Variants in HUWE1 observed in about 807,000 individuals in gnomAD.
HUWE1 encodes the protein E3 ubiquitin-protein ligase HUWE1.
Under a neutral mutation model 299.4 loss-of-function variants are expected in HUWE1, and 18 were observed. The ratio of observed to expected loss-of-function variants is 0.06; its 90% CI spans 0.04 to 0.09. The LOEUF (loss-of-function observed/expected upper bound fraction) is 0.09. HUWE1 is among the 10% of genes least tolerant of loss of function. HUWE1 has a pLI of 1.00. For synonymous variants in HUWE1, 1,317 were observed against 1,286.1 expected (o/e 1.02, Z -0.51); for missense variants, 1,832 against 3,462.3 (o/e 0.53, Z 11.82).
chrX:53,569,402 C>T (rs2062719871), intron 48 of HUWE1, among the ~76,000 whole-genome samples: 1 of 112,715 alleles, frequency 8.9e-6, no homozygotes, highest in African/African-American at 3.2e-5. Context: ...GTACACTTAA[C>T]ATTTCCCTTT....
intron 4 of HUWE1, 112 bp downstream of exon 4, chrX:53,653,951 C>T: frequency 1.9e-6 from 1 of 536,717 alleles, no homozygotes; most frequent in Non-Finnish European, 3.1e-6. Flanking sequence ...TGTTTTACTG[C>T]CTTTTGTATA....
chrX:53,600,105 G>C lies in HUWE1; in HGVS notation c.3163+13C>G, dbSNP rs1569482490. 2 of 1,200,737 alleles carry C rather than the reference G, an allele frequency of 1.7e-6. No homozygotes were observed. Among genetic ancestry groups the C allele is most frequent in the Non-Finnish European group, 2.3e-6 (2 of 885,200 alleles). On this transcript the variant is annotated intron_variant, in intron 29 of 83. Transcript: ENST00000262854. ...GAAAGCCAGAAAAGGTAGGAGAAAG[G>C]AGAATGACTCACCTGATAACAAAGG...
At chrX:53,637,392 C>G (rs1013072914) in intron 7 of HUWE1, among the ~76,000 whole-genome samples, 41 of 112,403 alleles carry the variant, frequency 3.6e-4, no homozygotes, top group African/African-American at 1.0e-3. Flanking sequence ...TGCTGAAAAC[C>G]ATAAAGTAAG....
At position 53,588,394 on chromosome X, in the gene HUWE1, C is replaced by T. The variant is rs782619942; in HGVS notation, c.4602G>A (p.Thr1534=). The part of the protein sequence containing the change: ...SNLATRILLL[T]LLFEELKLPC... ...ATCTAAATCTTACCTCAAAAAGTAG[C>T]GTTAAAAGCAAGATTCTAGTAGCCA... Residue 1534 remains threonine, a synonymous_variant, in exon 37 of 84, where the codon ACG becomes ACA. Transcript: ENST00000262854. The T allele has an allele frequency of 4.1e-6, 5 of 1,207,415 alleles. No individual in the cohort carries two copies. The Admixed American group carries it at 6.6e-5, about 16-fold the overall frequency.
Position 53,628,574 on chromosome X carries a change from G to A in HUWE1, c.1161C>T (p.Phe387=), listed in dbSNP as rs1569500400. The change falls in exon 15 of 84, where the codon TTC becomes TTT. Residue 387 remains phenylalanine, a synonymous_variant. Coordinates refer to ENST00000262854, the MANE Select transcript of HUWE1 (RefSeq NM_031407.7). ...AGCTGGCCAGATGGTATAAAAAAGA[G>A]AAGAGAGCAGTGGCAAACTGGTGAG... ...PYPHQFATAL[F]SFLYHLASYD... 1.7e-6 allele frequency: 2 copies of A among 1,166,116 alleles called. No individual in the cohort carries two copies. The highest frequency in any genetic ancestry group is 3.2e-5 in the East Asian group (1 of 30,789).
At chrX:53,574,208 T>C (rs932337450) in intron 46 of HUWE1, among the ~76,000 whole-genome samples, 16 of 112,074 alleles carry the variant, frequency 1.4e-4, no homozygotes, top group African/African-American at 5.2e-4. Flanking sequence ...TCCCTCCTTT[T>C]ACATACTCCA....
rs782512847 is a variant in HUWE1, at chrX:53,534,417, A to G, written c.12831+99T>C. ...ATAGGTAGACTGTCTTCTACATGCA[A>G]CTTCCTCTAAGAGTACTACTGGTTT... On this transcript the variant is annotated intron_variant, in intron 82 of 83. Coordinates refer to ENST00000262854, the MANE Select transcript of HUWE1 (RefSeq NM_031407.7). 2.9e-4 allele frequency: 238 copies of G among 812,683 alleles called. 1 individual carries two copies. The African/African-American group carries it at 4.2e-3, about 14-fold the overall frequency. 67.0% of individuals were successfully genotyped at this position (812,683 alleles called of 1,213,427 possible). A position where few individuals can be genotyped will look rare whatever the true frequency, so the allele number is the denominator to read the frequency against.
intron 78 of HUWE1, among the ~76,000 whole-genome samples, 159 bp from the exon 79 acceptor site, chrX:53,536,826 G>A (rs782660333): frequency 4.2e-4 from 47 of 112,066 alleles, no homozygotes; most frequent in African/African-American, 1.4e-3. Flanking sequence ...ATGGGGTGGA[G>A]ATCTGGGAGC....
chrX:53,592,791 T>C (rs2064233673), intron 32 of HUWE1, among the ~76,000 whole-genome samples, 163 bp from the exon 33 acceptor site: 1 of 112,105 alleles, frequency 8.9e-6, no homozygotes, highest in South Asian at 3.7e-4. Context: ...AGAGGCATTT[T>C]ACTCAACCTT....
chrX:53,585,978 C>T (rs868956380), intron 39 of HUWE1, among the ~76,000 whole-genome samples: 23 of 112,332 alleles, frequency 2.0e-4, no homozygotes, highest in African/African-American at 7.5e-4. Context: ...CGTGAGCCTA[C>T]AGTGCCCAGC....
At chrX:53,610,686 G>A (rs2065404695) in intron 23 of HUWE1, among the ~76,000 whole-genome samples, 1 of 111,963 alleles carries the variant, frequency 8.9e-6, no homozygotes, top group South Asian at 3.7e-4. Flanking sequence ...GCTTCCTCCA[G>A]CTTTTGAGGA....
In HUWE1 at chrX:53,628,973, A is replaced by G. The variant is rs1162162319; in HGVS notation, c.964-71T>C. 4.3e-6 allele frequency: 4 copies of G among 923,321 alleles called. No individual in the cohort carries two copies. The African/African-American group carries it at 5.8e-5, about 13-fold the overall frequency. The allele number at this position is 923,321 out of a possible 1,213,427, so 76.1% of individuals were successfully genotyped here. A position where few individuals can be genotyped will look rare whatever the true frequency, so the allele number is the denominator to read the frequency against. ...ATGACTGAACCAAGTTCCAGTTGCT[A>G]ATATCCAAACTTTAAAATATAAGTC... On this transcript the variant is annotated intron_variant, in intron 13 of 83. Transcript: ENST00000262854.
intron 74 of HUWE1, 81 bp downstream of exon 74, chrX:53,542,362 G>A (rs1294648763): frequency 1.7e-5 from 11 of 665,728 alleles, no homozygotes; most frequent in Non-Finnish European, 2.5e-5. Context: ...GCTTATATAT[G>A]CTGGGAGCAG....
intron 3 of HUWE1, among the ~76,000 whole-genome samples, chrX:53,660,991 C>T (rs2068972893): frequency 9.1e-6 from 1 of 110,407 alleles, no homozygotes; most frequent in African/African-American, 3.3e-5. Context: ...GATCTAAATC[C>T]AGGTCTGACT....
At chrX:53,548,342 A>T (rs2061631605) in intron 67 of HUWE1, 69 bp from the exon 68 acceptor site, 1 of 1,131,089 alleles carries the variant, frequency 8.8e-7, no homozygotes, top group Non-Finnish European at 1.2e-6. Flanking sequence ...CCTGATAGGG[A>T]AAAGACAACT....
At chrX:53,641,243 T>C (rs1557030852) in intron 7 of HUWE1, among the ~76,000 whole-genome samples, 1 of 111,902 alleles carries the variant, frequency 8.9e-6, no homozygotes, top group Non-Finnish European at 1.9e-5. Flanking sequence ...ACTGCAAGAC[T>C]TGGCTTAATC....
At chrX:53,653,744 A>G (rs782052065) in intron 4 of HUWE1, among the ~76,000 whole-genome samples, 7 of 112,393 alleles carry the variant, frequency 6.2e-5, no homozygotes, top group African/African-American at 1.9e-4. Context: ...ATCTGAACCC[A>G]TATCTGCTCT....
At position 53,548,118 on chromosome X, in the gene HUWE1, G is replaced by A. The variant is rs782486187; in HGVS notation, c.10191C>T (p.Asn3397=). ...DFWDLLVKLD[N]MNVSRKGKNS... The stretch of plus-strand genomic sequence containing the variant: ...TCTTGCCTTTCCGGCTGACATTCAT[G>A]TTGTCCAGTTTTACCAATAAGTCCC... The change falls in exon 68 of 84, where the codon AAC becomes AAT. Residue 3397 remains asparagine, a synonymous_variant. Transcript: ENST00000262854. The A allele has an allele frequency of 1.8e-5, 22 of 1,206,935 alleles. No homozygotes were observed. The highest frequency in any genetic ancestry group is 1.1e-4 in the Admixed American group (5 of 45,528).
At chrX:53,568,586 TC>T in intron 49 of HUWE1, 105 bp downstream of exon 49, 1 of 684,312 alleles carries the variant, frequency 1.5e-6, no homozygotes, top group East Asian at 3.6e-5. Context: ...AAGACTTGGG[TC>T]TCCCACTTGT....
Sources: gnomAD v4.1 joint callset for allele counts (sites outside exome capture counted in the v4.1 genomes callset) on GRCh38, gnomAD v4.1.1 for gene constraint, MANE v1.5 for transcripts, NCBI Gene and HGNC (gene_info 2026-07-23, HGNC 2026-07-21) for gene names.